Variants in ASAP3 observed in about 807,000 individuals in gnomAD.
ASAP3 encodes the protein arf-GAP with SH3 domain, ANK repeat and PH domain-containing protein 3.
In ASAP3, 85 loss-of-function variants were observed where a neutral mutation model predicts 118.2. That is an observed-to-expected ratio of 0.72 (90% CI 0.60 to 0.86). The LOEUF is 0.86. Ranked by LOEUF, ASAP3 falls within the 40% of genes least tolerant of loss-of-function variation. The pLI, the probability that ASAP3 is intolerant of heterozygous loss-of-function variation, is 0.00. For missense variants in ASAP3, 1,026 were observed against 1,175.0 expected (o/e 0.87, Z 1.85); for synonymous variants, 432 against 477.4 (o/e 0.90, Z 1.24).
intron 1 of ASAP3, among the ~76,000 whole-genome samples, chr1:23,471,168 C>T (rs1421942139): frequency 6.6e-6 from 1 of 152,252 alleles, no homozygotes; most frequent in Non-Finnish European, 1.5e-5. Context: ...TTGGCAATTT[C>T]CTAAATATGC....
At chr1:23,457,475 G>T (rs543409589) in intron 1 of ASAP3, among the ~76,000 whole-genome samples, 2 of 152,200 alleles carry the variant, frequency 1.3e-5, no homozygotes, top group Non-Finnish European at 2.9e-5. Flanking sequence ...GTCTAGTTAC[G>T]AAGCTCAGCT....
At chr1:23,481,524 G>A (rs906678175) in intron 1 of ASAP3, among the ~76,000 whole-genome samples, 4 of 152,156 alleles carry the variant, frequency 2.6e-5, no homozygotes, top group African/African-American at 9.7e-5. Context: ...AACTTTTTGG[G>A]CCCTGAGATG....
chr1:23,433,287 G>C lies in ASAP3; in HGVS notation c.2128-15C>G. The C allele has an allele frequency of 6.2e-7, 1 of 1,603,942 alleles. No homozygotes were observed. Among genetic ancestry groups the C allele is most frequent in the East Asian group, 2.2e-5 (1 of 44,692 alleles). ...AGCAAGCAGCGCTGCCAGAGCAAAA[G>C]ATTGAGGATGAGGACAGCCTGGTTC... On this transcript the variant is annotated splice_polypyrimidine_tract_variant and intron_variant, in intron 21 of 24. Transcript: ENST00000336689.
In ASAP3 at chr1:23,453,057, C is replaced by T. The variant is rs78820412; in HGVS notation, c.349-286G>A. On this transcript the variant is annotated intron_variant, in intron 3 of 24. Transcript: ENST00000336689. The stretch of plus-strand genomic sequence containing the variant: ...TGTGAAAGGGGGCAGGAGGGGAGGC[C>T]GAGGTGTGTCAGAGTGAGCCCCTTC... 7.2e-3 allele frequency among the ~76,000 whole-genome samples: 1,088 copies of T among 152,140 alleles called. 14 individuals are homozygous for T. Among genetic ancestry groups the T allele is most frequent in the African/African-American group, 0.025 (1,034 of 41,502 alleles).
intron 24 of ASAP3, among the ~76,000 whole-genome samples, chr1:23,430,202 A>G (rs1198433): frequency 0.75 from 114,121 of 152,072 alleles, 44,818 homozygotes; most frequent in Non-Finnish European, 0.87. Context: ...GTGGAACCAG[A>G]ATATGGACAT....
intron 1 of ASAP3, among the ~76,000 whole-genome samples, chr1:23,462,125 G>A (rs1641611632): frequency 2.0e-5 from 3 of 151,696 alleles, no homozygotes; most frequent in South Asian, 2.1e-4. Flanking sequence ...CCGGGTTCAC[G>A]CCATTCTCCT....
Position 23,434,252 on chromosome 1 carries a change from A to C in ASAP3, c.1951+2T>G. 3 of 1,613,996 alleles carry C rather than the reference A, an allele frequency of 1.9e-6. No homozygotes were observed. The highest frequency in any genetic ancestry group is 2.5e-6 in the Non-Finnish European group (3 of 1,179,944). ...CTGACGGAGGAGGTATTCAAGCCCC[A>C]CCTGTGCCAACCAAAGCTCTCCCCT... is the stretch of plus-strand genomic sequence containing the variant. On this transcript the variant is annotated splice_donor_variant, in intron 19 of 24. Coordinates refer to ENST00000336689, the MANE Select transcript of ASAP3 (RefSeq NM_017707.4). LOFTEE classifies it high-confidence loss of function.
At chr1:23,441,272 C>T (rs998689532) in intron 9 of ASAP3, 61 bp from the exon 10 acceptor site, 16 of 1,599,494 alleles carry the variant, frequency 1.0e-5, no homozygotes, top group East Asian at 4.5e-5. Context: ...CCCCATTCTG[C>T]GGGGGCTCAC....
intron 3 of ASAP3, among the ~76,000 whole-genome samples, chr1:23,454,169 C>T (rs548625018): frequency 4.7e-5 from 7 of 148,778 alleles, no homozygotes; most frequent in East Asian, 2.0e-4. Flanking sequence ...CACAGGCATA[C>T]GCCCCCACAC....
intron 24 of ASAP3, among the ~76,000 whole-genome samples, chr1:23,430,543 A>C (rs1018432556): frequency 2.0e-5 from 3 of 152,182 alleles, no homozygotes; most frequent in Admixed American, 1.3e-4. Flanking sequence ...AGACTCATGA[A>C]CAAGGGGAGA....
At chr1:23,446,274 TA>T (rs1393891858) in intron 5 of ASAP3, among the ~76,000 whole-genome samples, 1 of 152,238 alleles carries the variant, frequency 6.6e-6, no homozygotes, top group Non-Finnish European at 1.5e-5. Context: ...TTAACCTTTA[TA>T]AAACTTTCTG....
At position 23,441,841 on chromosome 1, in the gene ASAP3, G is replaced by A. The variant is rs190242956; in HGVS notation, c.672-111C>T. ...GGATCACAGGGCACCTCAGGGAATT[G>A]TAGTCTGACGGTCAAGAACAGACAC... On this transcript the variant is annotated intron_variant, in intron 7 of 24. Transcript: ENST00000336689. 4.5e-5 allele frequency: 51 copies of A among 1,141,368 alleles called. No homozygotes were observed. The East Asian group carries it at 1.3e-3, about 28-fold the overall frequency. 70.7% of individuals were successfully genotyped at this position (1,141,368 alleles called of 1,614,324 possible).
rs1640334727 is a variant in ASAP3 at position 23,429,122 on chromosome 1, C to T, written c.*734G>A. 6.5e-6 allele frequency: 1 copy of T among 153,034 alleles called. No homozygotes were observed. The highest frequency in any genetic ancestry group is 2.4e-5 in the African/African-American group (1 of 41,470). 9.5% of individuals were successfully genotyped at this position (153,034 alleles called of 1,614,324 possible). A position where few individuals can be genotyped will look rare whatever the true frequency, so the allele number is the denominator to read the frequency against. On this transcript the variant is annotated 3_prime_UTR_variant, in exon 25 of 25. Transcript: ENST00000336689. ...AATATAGGAGAATGCCTAGGGAAGG[C>T]TGTGCTGTCCCTCAAAAGGAGTGAC...
chr1:23,449,278 G>A (rs754063271), intron 5 of ASAP3, among the ~76,000 whole-genome samples: 3 of 152,134 alleles, frequency 2.0e-5, no homozygotes, highest in Non-Finnish European at 4.4e-5. Context: ...TATATGCACC[G>A]TGCTTATTCA....
intron 10 of ASAP3, among the ~76,000 whole-genome samples, chr1:23,440,619 G>A (rs1028661806): frequency 6.6e-6 from 1 of 151,214 alleles, no homozygotes; most frequent in Non-Finnish European, 1.5e-5. Context: ...CACTTTGGGA[G>A]GCTGAGGCGG....
Position 23,436,166 on chromosome 1 carries a change from T to C in ASAP3, c.1572-138A>G. On this transcript the variant is annotated intron_variant, in intron 16 of 24. Coordinates refer to ENST00000336689, the MANE Select transcript of ASAP3 (RefSeq NM_017707.4). The surrounding 1 kb of genome is among the most constrained non-coding windows in gnomAD (Gnocchi z 4.2). Reference sequence around the variant, plus strand: ...GACGTCTAGATCTGAGGCTCCCCTCTCCCCAGGCTTTTTTTTTAGACAGTC... The same window carrying C: ...GACGTCTAGATCTGAGGCTCCCCTCCCCCCAGGCTTTTTTTTTAGACAGTC... 1 of 950,772 alleles carries C rather than the reference T, an allele frequency of 1.1e-6. No individual in the cohort carries two copies. The allele number at this position is 950,772 out of a possible 1,614,324, so 58.9% of individuals were successfully genotyped here.
chr1:23,464,733 T>C (rs149289596), intron 1 of ASAP3, among the ~76,000 whole-genome samples: 1 of 135,654 alleles, frequency 7.4e-6, no homozygotes, highest in Non-Finnish European at 1.5e-5. Flanking sequence ...TAATCCCTGA[T>C]AGTCAGAGAT....
chr1:23,446,690 G>T (rs11803901), intron 5 of ASAP3, among the ~76,000 whole-genome samples: 1,897 of 152,066 alleles, frequency 0.012, 40 homozygotes, highest in African/African-American at 0.042. Context: ...TGCCTGCCTC[G>T]GCCTCCCAAA....
chr1:23,442,682 A>G (rs1487711991), intron 5 of ASAP3, 70 bp from the exon 6 acceptor site: 2 of 1,559,622 alleles, frequency 1.3e-6, no homozygotes, highest in Non-Finnish European at 1.7e-6. Flanking sequence ...CCAAGGATGC[A>G]TGAGCAAAGG....
Sources: gnomAD v4.1 joint callset for allele counts (sites outside exome capture counted in the v4.1 genomes callset) on GRCh38, gnomAD v4.1.1 for gene constraint, Gnocchi (gnomAD v3.1) non-coding constraint, MANE v1.5 for transcripts, NCBI Gene and HGNC (gene_info 2026-07-23, HGNC 2026-07-21) for gene names.